The following RELN variants were observed in gnomAD, a reference collection of about 807,000 sequenced individuals.
RELN encodes the protein reelin.
A neutral mutation model predicts 427.6 loss-of-function variants in RELN; 108 were observed. The ratio of observed to expected loss-of-function variants is 0.25; its 90% CI spans 0.22 to 0.30. The LOEUF (loss-of-function observed/expected upper bound fraction) is 0.30. RELN is among the 10% of genes least tolerant of loss of function. The probability of loss-of-function intolerance (pLI) is 1.00; values close to 1 mark genes in which losing one functional copy is unlikely to be tolerated. For synonymous variants in RELN, 1,524 were observed against 1,513.4 expected, an observed-to-expected ratio of 1.01 and a Z score of -0.16; for missense variants, 3,715 against 4,302.8, an observed-to-expected ratio of 0.86 and a Z score of 3.82.
At chr7:103,873,118 T>C (rs36181811) in intron 2 of RELN, among the ~76,000 whole-genome samples, 19,096 of 150,314 alleles carry the variant, frequency 0.13, 1,454 homozygotes, top group East Asian at 0.38. Context: ...GGGTACATAA[T>C]GAAATGAAGG....
chr7:103,733,177 A>C (rs1790399406), intron 6 of RELN, among the ~76,000 whole-genome samples: 1 of 152,184 alleles, frequency 6.6e-6, no homozygotes, highest in Non-Finnish European at 1.5e-5. Context: ...CAGCTAAAAA[A>C]CACATGAAAG....
intron 8 of RELN, among the ~76,000 whole-genome samples, chr7:103,714,759 G>A (rs1489139871): frequency 6.6e-6 from 1 of 152,130 alleles, no homozygotes; most frequent in Non-Finnish European, 1.5e-5. Flanking sequence ...AGCCCAGGAG[G>A]GAAGTGTCCT....
chr7:103,719,253 G>A (rs543631809), intron 8 of RELN, among the ~76,000 whole-genome samples: 3 of 152,160 alleles, frequency 2.0e-5, no homozygotes, highest in Admixed American at 6.6e-5. Context: ...AGGAGGGCAC[G>A]CATGTTCCCC....
Position 103,563,784 on chromosome 7 carries a change from A to G in RELN, c.5210+1494T>C, listed in dbSNP as rs1235793260. 2.0e-5 allele frequency among the ~76,000 whole-genome samples: 3 copies of G among 152,312 alleles called. No individual in the cohort carries two copies. The East Asian group carries it at 5.8e-4, about 29-fold the overall frequency. On this transcript the variant is annotated intron_variant, in intron 34 of 64. Transcript: ENST00000428762. The surrounding 1 kb of genome is among the most constrained non-coding windows in gnomAD (Gnocchi z 4.1). ...TAAAAATCTTTTATACCATATTTTT[A>G]TTGTACCTTTCCTATGTTTAGATAT...
intron 1 of RELN, among the ~76,000 whole-genome samples, chr7:103,974,019 T>C (rs1484319771): frequency 2.6e-5 from 4 of 152,184 alleles, no homozygotes; most frequent in Non-Finnish European, 5.9e-5. Context: ...GGTGCATGCC[T>C]GTAATCCCAG....
At chr7:103,801,818 C>A (rs1198099099) in intron 3 of RELN, among the ~76,000 whole-genome samples, 1 of 152,026 alleles carries the variant, frequency 6.6e-6, no homozygotes, top group Non-Finnish European at 1.5e-5. Flanking sequence ...TTTATCCACA[C>A]AAAACACTTA....
intron 7 of RELN, among the ~76,000 whole-genome samples, chr7:103,723,426 C>A (rs1790127088): frequency 6.6e-6 from 1 of 152,136 alleles, no homozygotes; most frequent in African/African-American, 2.4e-5. Flanking sequence ...AGACGGATAG[C>A]ATATTTCTCA....
At chr7:103,849,763 A>T (rs1793774972) in intron 2 of RELN, among the ~76,000 whole-genome samples, 1 of 152,226 alleles carries the variant, frequency 6.6e-6, no homozygotes. Context: ...TTTACATCTT[A>T]AAAATTTGTA....
At chr7:103,665,167 T>C (rs1274825955) in intron 11 of RELN, among the ~76,000 whole-genome samples, 1 of 152,124 alleles carries the variant, frequency 6.6e-6, no homozygotes, top group Non-Finnish European at 1.5e-5. Flanking sequence ...GATAGGCATT[T>C]ATTCCAGAAC....
At position 103,682,509 on chromosome 7, in the gene RELN, A is replaced by G. The variant is rs574228838; in HGVS notation, c.1144-248T>C. On this transcript the variant is annotated intron_variant, in intron 10 of 64. Transcript: ENST00000428762. ...TTTGAGCTTTGCCATCTCTGTCTTC[A>G]GTATGAAACAAGAGTATTTCAATTG... Among the ~76,000 whole-genome samples, 38 of 152,336 alleles carry G rather than the reference A, an allele frequency of 2.5e-4. 1 individual carries two copies. Among genetic ancestry groups the G allele is most frequent in the African/African-American group, 8.7e-4 (36 of 41,582 alleles).
In RELN at chr7:103,566,249, A is replaced by G. The variant is rs1584301509; in HGVS notation, c.4911T>C (p.Thr1637=). The change falls in exon 33 of 65, where the codon ACT becomes ACC. Residue 1637 remains threonine, a synonymous_variant. Transcript: ENST00000428762. ...QVDIDCLSMD[T]ALIFTENIGK... The stretch of plus-strand genomic sequence containing the variant: ...CTATGTTTTCAGTGAATATCAGAGC[A>G]GTATCCATAGAGAGACAGTCAATAT... 1 of 1,613,734 alleles carries G rather than the reference A, an allele frequency of 6.2e-7. No individual in the cohort carries two copies. Among genetic ancestry groups the G allele is most frequent in the Non-Finnish European group, 8.5e-7 (1 of 1,179,646 alleles).
At chr7:103,842,059 G>T (rs759202247) in intron 2 of RELN, among the ~76,000 whole-genome samples, 3 of 152,024 alleles carry the variant, frequency 2.0e-5, no homozygotes, top group East Asian at 3.9e-4. Flanking sequence ...AATTGTAAAA[G>T]AAATATTTTA....
At chr7:103,528,834 GC>G (rs1829879010) in intron 46 of RELN, among the ~76,000 whole-genome samples, 1 of 151,224 alleles carries the variant, frequency 6.6e-6, no homozygotes, top group African/African-American at 2.4e-5. Flanking sequence ...CAGCCAATAA[GC>G]TTTTTTAAAG....
chr7:103,566,762 G>A lies in RELN; in HGVS notation c.4589-3C>T. Reference sequence around the variant, plus strand: ...ATTTGAATACTGAACAATAAGCCCTGAGTTAAAAGACATAAATCCAGTTAT... The same window carrying A: ...ATTTGAATACTGAACAATAAGCCCTAAGTTAAAAGACATAAATCCAGTTAT... On this transcript the variant is annotated splice_polypyrimidine_tract_variant and splice_region_variant and intron_variant, in intron 31 of 64. Transcript: ENST00000428762. 1 of 1,613,800 alleles carries A rather than the reference G, an allele frequency of 6.2e-7. No homozygotes were observed. Among genetic ancestry groups the A allele is most frequent in the Non-Finnish European group, 8.5e-7 (1 of 1,179,704 alleles).
chr7:103,773,748 G>C (rs922513194), intron 4 of RELN, among the ~76,000 whole-genome samples: 1 of 151,940 alleles, frequency 6.6e-6, no homozygotes, highest in Admixed American at 6.6e-5. Context: ...GGGATTACAG[G>C]CATGACCCAC....
At chr7:103,807,307 A>G (rs1792623077) in intron 3 of RELN, among the ~76,000 whole-genome samples, 1 of 152,196 alleles carries the variant, frequency 6.6e-6, no homozygotes, top group Non-Finnish European at 1.5e-5. Context: ...CTAACACACT[A>G]AAACACTGAA....
At position 103,934,536 on chromosome 7, in the gene RELN, C is replaced by T. The variant is rs370349244; in HGVS notation, c.227-17351G>A. ...TAGTCCAGCTTCCCAGCCTCAGAATCACAACTTCCAAGGCTGACATGGAGG... is the reference window on the plus strand; with the variant it reads ...TAGTCCAGCTTCCCAGCCTCAGAATTACAACTTCCAAGGCTGACATGGAGG... On this transcript the variant is annotated intron_variant, in intron 1 of 64. Transcript: ENST00000428762. Among the ~76,000 whole-genome samples the T allele has an allele frequency of 1.2e-4, 19 of 152,278 alleles. No individual in the cohort carries two copies. The East Asian group carries it at 3.3e-3, about 26-fold the overall frequency.
intron 2 of RELN, among the ~76,000 whole-genome samples, chr7:103,886,879 A>G (rs3914131): frequency 0.78 from 119,083 of 152,094 alleles, 46,673 homozygotes; most frequent in East Asian, 0.87. Context: ...GCAACCTAGT[A>G]AAGATAGAAA....
At chr7:103,505,031 G>C (rs983346585) in intron 51 of RELN, among the ~76,000 whole-genome samples, 1 of 152,148 alleles carries the variant, frequency 6.6e-6, no homozygotes, top group African/African-American at 2.4e-5. Flanking sequence ...CCTCCTCTCT[G>C]GGCAGGGCAT....
Sources: gnomAD v4.1 joint callset for allele counts (sites outside exome capture counted in the v4.1 genomes callset) on GRCh38, gnomAD v4.1.1 for gene constraint, Gnocchi (gnomAD v3.1) non-coding constraint, MANE v1.5 for transcripts, NCBI Gene and HGNC (gene_info 2026-07-23, HGNC 2026-07-21) for gene names.